Variants in CDH12 observed in about 807,000 individuals in gnomAD.
CDH12 encodes cadherin-12.
In CDH12, 41 loss-of-function variants were observed where a neutral mutation model predicts 74.1. The ratio of observed to expected loss-of-function variants is 0.55; its 90% CI spans 0.43 to 0.72. CDH12 has a LOEUF of 0.72. CDH12 is among the 30% of genes least tolerant of loss of function. CDH12 has a pLI of 0.00. For synonymous variants in CDH12, 399 were observed against 355.0 expected (o/e 1.12, Z -1.39); for missense variants, 945 against 977.2 (o/e 0.97, Z 0.44).
At chr5:21,790,884 C>T (rs376847883) in intron 10 of CDH12, among the ~76,000 whole-genome samples, 28 of 152,172 alleles carry the variant, frequency 1.8e-4, no homozygotes, top group African/African-American at 7.2e-5. Flanking sequence ...CCCACACAAA[C>T]TCGTACAGTA....
At chr5:21,974,800 T>C (rs1206173640) in intron 6 of CDH12, among the ~76,000 whole-genome samples, 2 of 152,144 alleles carry the variant, frequency 1.3e-5, no homozygotes, top group Non-Finnish European at 2.9e-5. Flanking sequence ...GAGATAACAA[T>C]CAATTTCAAT....
chr5:22,328,933 A>G (rs953822263), intron 3 of CDH12, among the ~76,000 whole-genome samples: 4 of 152,208 alleles, frequency 2.6e-5, no homozygotes, highest in Non-Finnish European at 2.9e-5. Flanking sequence ...AGGAATTTTG[A>G]GCCCACTAAA....
chr5:22,532,111 G>A (rs1445013933), intron 1 of CDH12, among the ~76,000 whole-genome samples: 1 of 151,524 alleles, frequency 6.6e-6, no homozygotes, highest in Non-Finnish European at 1.5e-5. Context: ...GAGAAAATAG[G>A]AATAGGAGAG....
At chr5:22,734,563 G>GT (rs893704106) in intron 1 of CDH12, among the ~76,000 whole-genome samples, 2 of 151,868 alleles carry the variant, frequency 1.3e-5, no homozygotes, top group Non-Finnish European at 2.9e-5. Context: ...GGGCTGGCTG[G>GT]TTTAAAGACT....
intron 1 of CDH12, among the ~76,000 whole-genome samples, chr5:22,662,083 A>G (rs73062295): frequency 2.2e-3 from 330 of 152,298 alleles, no homozygotes; most frequent in African/African-American, 7.7e-3. Flanking sequence ...CTAAGTAGCA[A>G]CATGACTAGA....
chr5:22,750,822 A>G (rs1475789255), intron 1 of CDH12, among the ~76,000 whole-genome samples: 3 of 151,950 alleles, frequency 2.0e-5, no homozygotes, highest in African/African-American at 7.2e-5. Context: ...ACACCCGGAT[A>G]GGTGGCTCTG....
intron 1 of CDH12, among the ~76,000 whole-genome samples, chr5:22,548,690 G>C (rs1404074203): frequency 6.6e-6 from 1 of 151,888 alleles, no homozygotes; most frequent in Admixed American, 6.6e-5. Context: ...CCACCTATGG[G>C]ATAGGCCATC....
At chr5:22,526,274 C>A (rs563175058) in intron 1 of CDH12, among the ~76,000 whole-genome samples, 1 of 152,140 alleles carries the variant, frequency 6.6e-6, no homozygotes, top group Non-Finnish European at 1.5e-5. Flanking sequence ...ACTTACTCAT[C>A]TTTCAATTGT....
intron 4 of CDH12, among the ~76,000 whole-genome samples, chr5:22,109,471 A>T (rs77141590): frequency 0.049 from 7,464 of 152,252 alleles, 254 homozygotes; most frequent in Non-Finnish European, 0.068. Context: ...AGCACAAAAC[A>T]TGCTGATAAT....
chr5:22,439,245 A>T (rs1247460849), intron 2 of CDH12, among the ~76,000 whole-genome samples: 1 of 152,024 alleles, frequency 6.6e-6, no homozygotes, highest in Non-Finnish European at 1.5e-5. Flanking sequence ...AGCAAGTTAT[A>T]TTAGACAAAA....
chr5:22,137,634 T>A (rs1333957993), intron 4 of CDH12, among the ~76,000 whole-genome samples: 2 of 152,090 alleles, frequency 1.3e-5, no homozygotes, highest in African/African-American at 4.8e-5. Context: ...ATAATTTAAA[T>A]CTTCATCTAA....
intron 1 of CDH12, among the ~76,000 whole-genome samples, chr5:22,720,810 A>G (rs1462791544): frequency 6.6e-6 from 1 of 152,132 alleles, no homozygotes; most frequent in Non-Finnish European, 1.5e-5. Context: ...CACCCTTGCT[A>G]TGGTTTAGCA....
chr5:22,767,725 T>C (rs1440096801), intron 1 of CDH12, among the ~76,000 whole-genome samples: 1 of 152,006 alleles, frequency 6.6e-6, no homozygotes, highest in Non-Finnish European at 1.5e-5. Context: ...AACAAAATTA[T>C]ACCTACGAGT....
At chr5:21,995,768 G>C (rs1468060220) in intron 5 of CDH12, among the ~76,000 whole-genome samples, 1 of 151,642 alleles carries the variant, frequency 6.6e-6, no homozygotes, top group East Asian at 1.9e-4. Flanking sequence ...GAAACGCTTT[G>C]TGCTCAACAT....
chr5:21,795,447 A>G (rs1015553253), intron 10 of CDH12, among the ~76,000 whole-genome samples: 1 of 151,902 alleles, frequency 6.6e-6, no homozygotes, highest in Non-Finnish European at 1.5e-5. Context: ...TCATTCATTG[A>G]ACAAATATTT....
At chr5:22,745,585 C>T (rs1745253062) in intron 1 of CDH12, among the ~76,000 whole-genome samples, 1 of 151,986 alleles carries the variant, frequency 6.6e-6, no homozygotes, top group South Asian at 2.1e-4. Flanking sequence ...TACCATGCAG[C>T]CATAAAAAAG....
chr5:22,689,477 T>C (rs556580982), intron 1 of CDH12, among the ~76,000 whole-genome samples: 1 of 152,258 alleles, frequency 6.6e-6, no homozygotes, highest in Admixed American at 6.5e-5. Flanking sequence ...GTGAAAGTGT[T>C]ACAAATAGCA....
At chr5:22,342,629 TATTTC>T (rs540245150) in intron 3 of CDH12, among the ~76,000 whole-genome samples, 1 of 145,262 alleles carries the variant, frequency 6.9e-6, no homozygotes, top group African/African-American at 2.6e-5. Flanking sequence ...TTTCCTTTTC[TATTTC>T]TTTCTCTTTC....
intron 1 of CDH12, among the ~76,000 whole-genome samples, chr5:22,733,830 C>T (rs1744555170): frequency 6.6e-6 from 1 of 151,886 alleles, no homozygotes. Context: ...TTAGCCTCTT[C>T]TTTCTTCATT....
Sources: allele counts gnomAD v4.1 joint callset (sites outside exome capture counted in the v4.1 genomes callset), GRCh38; gene constraint gnomAD v4.1.1; transcripts MANE v1.5; gene names NCBI Gene and HGNC (gene_info 2026-07-23, HGNC 2026-07-21).